Variants in CLSTN2 observed in about 807,000 individuals in gnomAD.
CLSTN2 encodes calsyntenin 2.
A neutral mutation model predicts 101.2 loss-of-function variants in CLSTN2; 48 were observed. The ratio of observed to expected loss-of-function variants is 0.47; its 90% CI spans 0.38 to 0.60. CLSTN2 has a LOEUF of 0.60. Ranked by LOEUF, CLSTN2 falls within the 20% of genes least tolerant of loss-of-function variation. The pLI is 0.00. For synonymous variants in CLSTN2, 481 were observed against 463.6 expected, an observed-to-expected ratio of 1.04 and a Z score of -0.48; for missense variants, 1,160 against 1,238.2, an observed-to-expected ratio of 0.94 and a Z score of 0.95.
chr3:140,383,071 C>T (rs1181129817), intron 2 of CLSTN2, among the ~76,000 whole-genome samples: 1 of 152,150 alleles, frequency 6.6e-6, no homozygotes, highest in Non-Finnish European at 1.5e-5. Flanking sequence ...TTTGCATAAA[C>T]TCTAAGCATT....
At chr3:140,401,526 C>T (rs963012374) in intron 2 of CLSTN2, among the ~76,000 whole-genome samples, 2 of 152,204 alleles carry the variant, frequency 1.3e-5, no homozygotes. Flanking sequence ...TCTTCTTTCC[C>T]TCTCTACTCT....
intron 1 of CLSTN2, among the ~76,000 whole-genome samples, chr3:140,096,357 A>T (rs895061083): frequency 6.6e-6 from 1 of 152,162 alleles, no homozygotes. Flanking sequence ...CGATAATTCA[A>T]TTGGTATTAA....
chr3:140,067,461 T>C (rs940446596), intron 1 of CLSTN2, among the ~76,000 whole-genome samples: 6 of 152,190 alleles, frequency 3.9e-5, no homozygotes, highest in Admixed American at 2.6e-4. Context: ...GGAAACATCA[T>C]ACCAAGAACC....
chr3:140,222,032 G>A (rs976861147), intron 2 of CLSTN2, among the ~76,000 whole-genome samples: 1 of 151,776 alleles, frequency 6.6e-6, no homozygotes, highest in Admixed American at 6.6e-5. Flanking sequence ...ATTTATTGTG[G>A]TGCTATTCAC....
chr3:140,411,867 T>C (rs895859189), intron 4 of CLSTN2, among the ~76,000 whole-genome samples: 1 of 152,204 alleles, frequency 6.6e-6, no homozygotes, highest in African/African-American at 2.4e-5. Context: ...AAGGTTTTAG[T>C]ACGTACAGAT....
At chr3:140,274,714 G>A (rs533938831) in intron 2 of CLSTN2, among the ~76,000 whole-genome samples, 1 of 152,216 alleles carries the variant, frequency 6.6e-6, no homozygotes, top group East Asian at 1.9e-4. Context: ...GTCTGGGCTC[G>A]AGAGGCAGTG....
At chr3:140,077,545 G>A (rs771886895) in intron 1 of CLSTN2, among the ~76,000 whole-genome samples, 48 of 152,166 alleles carry the variant, frequency 3.2e-4, no homozygotes, top group Non-Finnish European at 6.0e-4. Flanking sequence ...GCAAATGTGC[G>A]AGATGTGGGG....
chr3:140,312,128 A>G lies in CLSTN2; in HGVS notation c.233-91501A>G, dbSNP rs575524872. 2.0e-5 allele frequency among the ~76,000 whole-genome samples: 3 copies of G among 152,284 alleles called. No homozygotes were observed. The South Asian group carries it at 6.2e-4, about 32-fold the overall frequency. On this transcript the variant is annotated intron_variant, in intron 2 of 16. Coordinates refer to ENST00000458420, the MANE Select transcript of CLSTN2 (RefSeq NM_022131.3). ...GCCATGCAGATGTTTATTTTTAATG[A>G]GAGGGCCAGGATATGCATCTAAGGT...
intron 2 of CLSTN2, among the ~76,000 whole-genome samples, chr3:140,355,931 A>G (rs2087666195): frequency 6.6e-6 from 1 of 152,238 alleles, no homozygotes; most frequent in Non-Finnish European, 1.5e-5. Flanking sequence ...GTGTTTGAAT[A>G]AAAAATGAAT....
chr3:140,299,280 C>T (rs1472642663), intron 2 of CLSTN2, among the ~76,000 whole-genome samples: 1 of 152,180 alleles, frequency 6.6e-6, no homozygotes, highest in Non-Finnish European at 1.5e-5. Flanking sequence ...ATTATGTGGG[C>T]ACCCCTGGTT....
chr3:140,146,279 T>C (rs900198629), intron 1 of CLSTN2, among the ~76,000 whole-genome samples: 1 of 152,184 alleles, frequency 6.6e-6, no homozygotes, highest in African/African-American at 2.4e-5. Flanking sequence ...GAACACACAA[T>C]AAGGGAGGAG....
rs766010133 is a variant in CLSTN2 at position 140,448,534 on chromosome 3, T to A, written c.803T>A (p.Ile268Asn). 29 of 1,613,962 alleles carry A rather than the reference T, an allele frequency of 1.8e-5. 1 individual carries two copies. The South Asian group carries it at 3.2e-4, about 18-fold the overall frequency. The change falls in exon 6 of 17, where the codon ATT (isoleucine) becomes AAT (asparagine). Residue 268 changes from isoleucine (I) to asparagine (N), a missense_variant. Ile to Asn is a moderately radical substitution (Grantham distance 149, BLOSUM62 -3). Coordinates refer to ENST00000458420, the MANE Select transcript of CLSTN2 (RefSeq NM_022131.3). Reference protein sequence around the residue: ...KPGWQDWTKRIEYQPGSGSMP... With the variant: ...KPGWQDWTKRNEYQPGSGSMP... ...GTTTGTTTAGACTGGACCAAGAGGATTGAGTACCAGCCTGGCTCCGGGAGC... is the reference window on the plus strand; with the variant it reads ...GTTTGTTTAGACTGGACCAAGAGGAATGAGTACCAGCCTGGCTCCGGGAGC...
At chr3:140,160,149 T>G (rs988969788) in intron 1 of CLSTN2, among the ~76,000 whole-genome samples, 17 of 152,116 alleles carry the variant, frequency 1.1e-4, no homozygotes, top group African/African-American at 3.6e-4. Flanking sequence ...ATATACCCCG[T>G]GTATCTAAAA....
chr3:140,520,984 G>A (rs1340428315), intron 8 of CLSTN2, among the ~76,000 whole-genome samples: 1 of 150,434 alleles, frequency 6.6e-6, no homozygotes, highest in African/African-American at 2.4e-5. Flanking sequence ...GTCTCATGTT[G>A]TGTTCCTCTC....
chr3:139,951,684 A>T (rs1291783893), intron 1 of CLSTN2, among the ~76,000 whole-genome samples: 1 of 152,176 alleles, frequency 6.6e-6, no homozygotes, highest in South Asian at 2.1e-4. Context: ...CAAAAAAGAA[A>T]TGAAAAGCTA....
At chr3:140,226,675 A>G (rs539778242) in intron 2 of CLSTN2, among the ~76,000 whole-genome samples, 209 of 152,300 alleles carry the variant, frequency 1.4e-3, no homozygotes, top group African/African-American at 4.6e-3. Flanking sequence ...GTGCTGGTGT[A>G]TTAGTCCATT....
intron 1 of CLSTN2, among the ~76,000 whole-genome samples, chr3:140,092,745 C>T (rs1053358869): frequency 5.9e-5 from 9 of 152,198 alleles, no homozygotes; most frequent in Non-Finnish European, 1.5e-5. Flanking sequence ...GGGAGTTCCA[C>T]GAACAATGAA....
intron 1 of CLSTN2, among the ~76,000 whole-genome samples, chr3:140,027,378 G>A (rs2107758259): frequency 6.6e-6 from 1 of 152,242 alleles, no homozygotes; most frequent in Non-Finnish European, 1.5e-5. Context: ...CAAGGGAGAG[G>A]ACCGTGTGAA....
intron 1 of CLSTN2, among the ~76,000 whole-genome samples, chr3:139,982,285 T>G (rs900260747): frequency 6.6e-6 from 1 of 151,988 alleles, no homozygotes; most frequent in Non-Finnish European, 1.5e-5. Context: ...CAATTATACT[T>G]TAGGGGGGCT....
Sources: allele counts gnomAD v4.1 joint callset (sites outside exome capture counted in the v4.1 genomes callset), GRCh38; gene constraint gnomAD v4.1.1; transcripts MANE v1.5; gene names NCBI Gene and HGNC (gene_info 2026-07-23, HGNC 2026-07-21).